Variants in DMRT1 observed in about 807,000 individuals in gnomAD.
The protein encoded by DMRT1 is doublesex- and mab-3-related transcription factor 1.
Under a neutral mutation model 32.3 loss-of-function variants are expected in DMRT1, and 7 were observed. The ratio of observed to expected loss-of-function variants is 0.22; its 90% CI spans 0.12 to 0.41. DMRT1 has a LOEUF of 0.41. Among genes scored for constraint, DMRT1 ranks in the 10% least tolerant of loss-of-function variants. DMRT1 has a pLI of 1.00. For missense variants in DMRT1, 625 were observed against 500.5 expected (o/e 1.25, Z -2.37); for synonymous variants, 278 against 206.1 (o/e 1.35, Z -2.99).
intron 2 of DMRT1, among the ~76,000 whole-genome samples, chr9:861,305 A>C (rs1388434938): frequency 6.6e-6 from 1 of 152,148 alleles, no homozygotes; most frequent in Non-Finnish European, 1.5e-5. Flanking sequence ...TCTGTTTAAC[A>C]AAGCACAGTT....
At chr9:928,897 G>A (rs12350684) in intron 4 of DMRT1, among the ~76,000 whole-genome samples, 1 of 151,128 alleles carries the variant, frequency 6.6e-6, no homozygotes, top group African/African-American at 2.4e-5. Flanking sequence ...GAGTGCAGTG[G>A]TGTGATCTTG....
At chr9:891,528 T>C (rs1432928596) in intron 2 of DMRT1, among the ~76,000 whole-genome samples, 1 of 150,134 alleles carries the variant, frequency 6.7e-6, no homozygotes, top group Non-Finnish European at 1.5e-5. Context: ...TTTTTTTTTT[T>C]CTCCCAGACG....
chr9:946,516 C>T (rs2129934054), intron 4 of DMRT1, among the ~76,000 whole-genome samples: 1 of 152,238 alleles, frequency 6.6e-6, no homozygotes, highest in African/African-American at 2.4e-5. Context: ...AAGAGTGGGT[C>T]ACAGGTCATA....
At chr9:939,650 A>G (rs577673216) in intron 4 of DMRT1, among the ~76,000 whole-genome samples, 2 of 152,346 alleles carry the variant, frequency 1.3e-5, no homozygotes, top group East Asian at 3.9e-4. Flanking sequence ...CCTATTTTAG[A>G]GCATCATACA....
Position 894,149 on chromosome 9 carries a change from G to T in DMRT1, c.776G>T (p.Gly259Val), listed in dbSNP as rs772743162. The T allele has an allele frequency of 6.2e-7, 1 of 1,614,082 alleles. No individual in the cohort carries two copies. Among genetic ancestry groups the T allele is most frequent in the South Asian group, 1.1e-5 (1 of 91,084 alleles). Residue 259 changes from glycine to valine, a missense_variant, in exon 3 of 5, where the codon GGC (glycine) becomes GTC (valine). Coordinates refer to ENST00000382276, the MANE Select transcript of DMRT1 (RefSeq NM_021951.3). ...GGSPVKNSLR[G>V]LPGPYVPGQT... ...TCCCCTGTGAAGAACAGCCTTCGGG[G>T]CCTCCCCGGACCTTATGTGCCTGGT... is the stretch of plus-strand genomic sequence containing the variant.
intron 2 of DMRT1, among the ~76,000 whole-genome samples, chr9:868,238 C>T (rs1717810214): frequency 6.6e-6 from 1 of 152,172 alleles, no homozygotes; most frequent in African/African-American, 2.4e-5. Context: ...TTCTGCCTCC[C>T]AGAGTGCTGG....
intron 4 of DMRT1, among the ~76,000 whole-genome samples, chr9:958,615 C>T (rs1216184986): frequency 6.6e-6 from 1 of 152,236 alleles, no homozygotes; most frequent in African/African-American, 2.4e-5. Flanking sequence ...GATCCACCCG[C>T]CTGGACCTCC....
intron 4 of DMRT1, among the ~76,000 whole-genome samples, chr9:945,100 A>C (rs969807156): frequency 3.3e-5 from 5 of 152,214 alleles, no homozygotes; most frequent in African/African-American, 1.2e-4. Context: ...GTGAAAATAA[A>C]GTGCTTCATC....
intron 2 of DMRT1, among the ~76,000 whole-genome samples, chr9:871,862 A>G (rs7022851): frequency 0.61 from 92,546 of 150,834 alleles, 29,070 homozygotes; most frequent in Admixed American, 0.68. Flanking sequence ...TGTGACCTAA[A>G]AAGTATTAAG....
At chr9:883,269 G>A (rs1046210632) in intron 2 of DMRT1, among the ~76,000 whole-genome samples, 4 of 151,470 alleles carry the variant, frequency 2.6e-5, no homozygotes, top group South Asian at 4.2e-4. Flanking sequence ...ACCAAATTAC[G>A]TTAAAAAGAT....
At chr9:938,471 T>A (rs1818957692) in intron 4 of DMRT1, among the ~76,000 whole-genome samples, 1 of 152,214 alleles carries the variant, frequency 6.6e-6, no homozygotes, top group Admixed American at 6.5e-5. Context: ...TTTAATAGTT[T>A]TATCTGTGCC....
intron 4 of DMRT1, among the ~76,000 whole-genome samples, chr9:921,936 A>T (rs116476814): frequency 6.2e-4 from 95 of 152,332 alleles, no homozygotes; most frequent in African/African-American, 2.2e-3. Context: ...GCAGGCATGC[A>T]GGGGTGCAAT....
At chr9:890,536 AG>A in intron 2 of DMRT1, among the ~76,000 whole-genome samples, 1 of 150,904 alleles carries the variant, frequency 6.6e-6, no homozygotes, top group African/African-American at 2.4e-5. Flanking sequence ...GATCTCAGCC[AG>A]ACCTTCCAGA....
In DMRT1 at chr9:915,811, C is replaced by G. The variant is rs367624900; in HGVS notation, c.823-952C>G. 7.2e-5 allele frequency among the ~76,000 whole-genome samples: 11 copies of G among 151,840 alleles called. No individual in the cohort carries two copies. In the East Asian group the frequency reaches 9.7e-4, roughly 13 times the overall value. On this transcript the variant is annotated intron_variant, in intron 3 of 4. Transcript: ENST00000382276. ...GCAGTGGCGCGATCTCGGCTCAGTA[C>G]AAGCTCTGCCTCCCGGGTTCACGCC...
At chr9:941,613 G>A (rs935849531) in intron 4 of DMRT1, among the ~76,000 whole-genome samples, 15 of 152,030 alleles carry the variant, frequency 9.9e-5, no homozygotes, top group African/African-American at 3.6e-4. Flanking sequence ...GAGATGGAGG[G>A]TGGTGATGGT....
At chr9:885,776 A>G (rs1212068306) in intron 2 of DMRT1, among the ~76,000 whole-genome samples, 2 of 152,180 alleles carry the variant, frequency 1.3e-5, no homozygotes, top group Admixed American at 1.3e-4. Context: ...AGCCTTCGCA[A>G]GGGACCACGC....
At chr9:897,202 T>G (rs1426978138) in intron 3 of DMRT1, among the ~76,000 whole-genome samples, 1 of 151,750 alleles carries the variant, frequency 6.6e-6, no homozygotes, top group Non-Finnish European at 1.5e-5. Context: ...AACCTCTGCC[T>G]CCTGGGTTCA....
chr9:912,446 A>G (rs1818023212), intron 3 of DMRT1, among the ~76,000 whole-genome samples: 1 of 152,228 alleles, frequency 6.6e-6, no homozygotes, highest in Non-Finnish European at 1.5e-5. Context: ...AGGATAGTGA[A>G]TGTTTGAATA....
chr9:886,744 T>C (rs556377578), intron 2 of DMRT1, among the ~76,000 whole-genome samples: 35 of 152,278 alleles, frequency 2.3e-4, no homozygotes, highest in Non-Finnish European at 2.4e-4. Context: ...GTTGGAAATA[T>C]TACTTTTAGG....
Sources: allele counts gnomAD v4.1 joint callset (sites outside exome capture counted in the v4.1 genomes callset), GRCh38; gene constraint gnomAD v4.1.1; transcripts MANE v1.5; gene names NCBI Gene and HGNC (gene_info 2026-07-23, HGNC 2026-07-21).